The following FAM110B variants were observed in gnomAD, a reference collection of about 807,000 sequenced individuals.
FAM110B encodes the protein protein FAM110B.
Under a neutral mutation model 20.4 loss-of-function variants are expected in FAM110B, and 6 were observed. That is an observed-to-expected ratio of 0.29 (90% CI 0.16 to 0.58). The LOEUF (loss-of-function observed/expected upper bound fraction) is 0.58, where lower values mean the gene tolerates loss of function less well. Ranked by LOEUF, FAM110B falls within the 20% of genes least tolerant of loss-of-function variation. The probability of loss-of-function intolerance (pLI) is 0.90; values close to 1 mark genes in which losing one functional copy is unlikely to be tolerated. For synonymous variants in FAM110B, 226 were observed against 214.1 expected (o/e 1.06, Z -0.49); for missense variants, 434 against 498.2 (o/e 0.87, Z 1.23).
At chr8:58,038,490 AC>A (rs1353878645) in intron 2 of FAM110B, among the ~76,000 whole-genome samples, 7 of 152,304 alleles carry the variant, frequency 4.6e-5, no homozygotes, top group Admixed American at 2.0e-4. Flanking sequence ...TATGAAAATT[AC>A]CTTTAATCCC....
chr8:58,029,469 T>G (rs1338854827), intron 1 of FAM110B, among the ~76,000 whole-genome samples: 1 of 152,222 alleles, frequency 6.6e-6, no homozygotes, highest in East Asian at 1.9e-4. Context: ...TTGATAACTT[T>G]TAACAGTGGG....
intron 1 of FAM110B, among the ~76,000 whole-genome samples, chr8:58,024,677 G>A (rs1433154875): frequency 1.3e-5 from 2 of 152,148 alleles, no homozygotes; most frequent in African/African-American, 4.8e-5. Context: ...TGTGCCCTGT[G>A]CCTATTCCTT....
At chr8:58,047,648 T>C (rs1805357100) in intron 2 of FAM110B, among the ~76,000 whole-genome samples, 1 of 106,164 alleles carries the variant, frequency 9.4e-6, no homozygotes, top group African/African-American at 3.1e-5. Context: ...CTTATATAAA[T>C]CAAGTCACGG....
intron 3 of FAM110B, among the ~76,000 whole-genome samples, chr8:58,100,557 C>T (rs1806753024): frequency 6.6e-6 from 1 of 152,192 alleles, no homozygotes; most frequent in Non-Finnish European, 1.5e-5. Context: ...CCATGCCTCT[C>T]CCAGCTTCTG....
At position 58,035,394 on chromosome 8, in the gene FAM110B, C is replaced by T. The variant is rs117575419; in HGVS notation, c.-414+3691C>T. ...TTTCCTCTACTTTGAACTAAAGACACATTTGAATCCTTGGTATATTAGAGA... is the reference window on the plus strand; with the variant it reads ...TTTCCTCTACTTTGAACTAAAGACATATTTGAATCCTTGGTATATTAGAGA... On this transcript the variant is annotated intron_variant, in intron 2 of 3. Transcript: ENST00000519262. 1.1e-4 allele frequency among the ~76,000 whole-genome samples: 16 copies of T among 152,330 alleles called. No homozygotes were observed. In the East Asian group the frequency reaches 3.1e-3, roughly 29 times the overall value.
intron 3 of FAM110B, among the ~76,000 whole-genome samples, chr8:58,103,586 A>G (rs761244713): frequency 1.3e-5 from 2 of 152,126 alleles, no homozygotes; most frequent in African/African-American, 2.4e-5. Context: ...AATTGCAATC[A>G]TTTTTACTAC....
At chr8:58,049,330 A>G (rs1011441332) in intron 2 of FAM110B, among the ~76,000 whole-genome samples, 10 of 152,208 alleles carry the variant, frequency 6.6e-5, no homozygotes, top group Non-Finnish European at 1.3e-4. Context: ...ATCATAACAG[A>G]TTAAAAACTG....
At chr8:57,996,307 T>A (rs1804184899) in intron 1 of FAM110B, among the ~76,000 whole-genome samples, 2 of 152,230 alleles carry the variant, frequency 1.3e-5, no homozygotes, top group South Asian at 4.1e-4. Context: ...TTGCATATAG[T>A]TCTAGGTGTC....
chr8:58,117,595 C>T (rs1386182999), intron 3 of FAM110B, among the ~76,000 whole-genome samples: 1 of 152,096 alleles, frequency 6.6e-6, no homozygotes, highest in Non-Finnish European at 1.5e-5. Flanking sequence ...GTATTGAATG[C>T]CTTAGCATCT....
intron 2 of FAM110B, among the ~76,000 whole-genome samples, chr8:58,053,317 G>C (rs1439002884): frequency 6.6e-6 from 1 of 152,174 alleles, no homozygotes; most frequent in Admixed American, 6.5e-5. Flanking sequence ...ACTGATAACT[G>C]AAAGTGTAAG....
intron 1 of FAM110B, among the ~76,000 whole-genome samples, chr8:58,027,989 C>T (rs1004136844): frequency 3.9e-5 from 6 of 152,182 alleles, no homozygotes; most frequent in Admixed American, 1.3e-4. Context: ...TGGGTCATAT[C>T]GTACGTGCTT....
chr8:58,040,935 C>CTT (rs60228265), intron 2 of FAM110B, among the ~76,000 whole-genome samples: 1,687 of 97,108 alleles, frequency 0.017, 27 homozygotes, highest in Middle Eastern at 0.025. Context: ...ATGGGAAAAT[C>CTT]TTTTTTTTTT....
intron 3 of FAM110B, among the ~76,000 whole-genome samples, chr8:58,115,811 T>C (rs1210325063): frequency 1.3e-5 from 2 of 152,114 alleles, no homozygotes; most frequent in Admixed American, 1.3e-4. Flanking sequence ...TTATGCTGAG[T>C]ATAACTTAGG....
chr8:58,023,564 G>A (rs1288141137), intron 1 of FAM110B, among the ~76,000 whole-genome samples: 1 of 152,176 alleles, frequency 6.6e-6, no homozygotes, highest in Non-Finnish European at 1.5e-5. Context: ...CTCCTGCCTA[G>A]AATAGCATGG....
chr8:58,039,489 A>T (rs906430077), intron 2 of FAM110B, among the ~76,000 whole-genome samples: 1 of 152,216 alleles, frequency 6.6e-6, no homozygotes, highest in East Asian at 1.9e-4. Flanking sequence ...AGTCTTATAC[A>T]TGTGAGATCC....
chr8:58,049,310 T>A (rs1297300437), intron 2 of FAM110B, among the ~76,000 whole-genome samples: 1 of 152,188 alleles, frequency 6.6e-6, no homozygotes, highest in Non-Finnish European at 1.5e-5. Context: ...ATTAGAGATG[T>A]GAATGCCTAA....
intron 3 of FAM110B, among the ~76,000 whole-genome samples, chr8:58,118,557 T>G (rs1585901909): frequency 6.6e-6 from 1 of 152,032 alleles, no homozygotes; most frequent in Middle Eastern, 3.2e-3. Context: ...TAAGGCAGGG[T>G]GGGGCGTGGT....
chr8:58,033,843 C>T (rs1367169169), intron 2 of FAM110B, among the ~76,000 whole-genome samples: 1 of 152,190 alleles, frequency 6.6e-6, no homozygotes, highest in Non-Finnish European at 1.5e-5. Context: ...CGTCTTCCTC[C>T]TGCTGACCGT....
chr8:58,132,926 G>A (rs915270897), intron 3 of FAM110B, among the ~76,000 whole-genome samples: 1 of 152,074 alleles, frequency 6.6e-6, no homozygotes, highest in South Asian at 2.1e-4. Flanking sequence ...TTCACTTTGG[G>A]GAGTTATTTT....
Sources: allele counts gnomAD v4.1 joint callset (sites outside exome capture counted in the v4.1 genomes callset), GRCh38; gene constraint gnomAD v4.1.1; transcripts MANE v1.5; gene names NCBI Gene and HGNC (gene_info 2026-07-23, HGNC 2026-07-21).